TMEM135: variants seen among roughly 807,000 people sequenced by gnomAD.
TMEM135 encodes transmembrane protein 135.
A neutral mutation model predicts 60.3 loss-of-function variants in TMEM135; 30 were observed. That is an observed-to-expected ratio of 0.50 (90% CI 0.37 to 0.68). The LOEUF is 0.68. Among genes scored for constraint, TMEM135 ranks in the 30% least tolerant of loss-of-function variants. The probability of loss-of-function intolerance (pLI) is 0.00; values close to 1 mark genes in which losing one functional copy is unlikely to be tolerated. For missense variants in TMEM135, 468 were observed against 548.8 expected, an observed-to-expected ratio of 0.85 and a Z score of 1.47; for synonymous variants, 190 against 186.7, an observed-to-expected ratio of 1.02 and a Z score of -0.14.
Position 87,111,047 on chromosome 11 carries a change from C to A in TMEM135, c.396+19652C>A, listed in dbSNP as rs184012699. ...TCTGCATTCTTTCGCTAACTGTAGA[C>A]AAAATAAGTCATTGTTGAAGTCTTA... is the stretch of plus-strand genomic sequence containing the variant. On this transcript the variant is annotated intron_variant, in intron 4 of 14. Coordinates refer to ENST00000305494, the MANE Select transcript of TMEM135 (RefSeq NM_022918.4). Among the ~76,000 whole-genome samples, 271 of 152,168 alleles carry A rather than the reference C, an allele frequency of 1.8e-3. 3 individuals carry two copies. The highest frequency in any genetic ancestry group is 6.1e-3 in the African/African-American group (254 of 41,526).
intron 2 of TMEM135, among the ~76,000 whole-genome samples, chr11:87,070,109 G>A (rs901270234): frequency 1.3e-5 from 2 of 152,038 alleles, no homozygotes; most frequent in Non-Finnish European, 2.9e-5. Context: ...GGAATTTCGG[G>A]CTACAGTGAA....
intron 6 of TMEM135, among the ~76,000 whole-genome samples, chr11:87,279,949 G>A (rs1322000974): frequency 6.6e-6 from 1 of 152,188 alleles, no homozygotes; most frequent in Non-Finnish European, 1.5e-5. Context: ...TCAAGATTTT[G>A]TGATTAGTTT....
intron 3 of TMEM135, among the ~76,000 whole-genome samples, chr11:87,083,703 T>G (rs1284832498): frequency 6.6e-6 from 1 of 152,204 alleles, no homozygotes; most frequent in Non-Finnish European, 1.5e-5. Context: ...TAAAGTTTAC[T>G]CTTTATGTAC....
At chr11:87,192,958 T>C (rs1242460362) in intron 5 of TMEM135, among the ~76,000 whole-genome samples, 2 of 152,074 alleles carry the variant, frequency 1.3e-5, no homozygotes, top group South Asian at 2.1e-4. Flanking sequence ...CTACTAAAAA[T>C]ATAAAAAATA....
intron 8 of TMEM135, among the ~76,000 whole-genome samples, chr11:87,304,042 C>A (rs1435826339): frequency 1.3e-5 from 2 of 152,112 alleles, no homozygotes; most frequent in African/African-American, 4.8e-5. Context: ...GACTAATTGA[C>A]AGTACGGTTG....
chr11:87,328,427 G>C lies in TMEM135; in HGVS notation c.*7094G>C, dbSNP rs745598071. ...TGGTTGCATGGATGAATTGTATATT[G>C]GTGAAGTCTGAAATTTTAGTGCACC... On this transcript the variant is annotated 3_prime_UTR_variant, in exon 15 of 15. Transcript: ENST00000305494. 4.4e-6 allele frequency: 2 copies of C among 454,026 alleles called. No homozygotes were observed. The highest frequency in any genetic ancestry group is 3.1e-5 in the South Asian group (2 of 64,466). 28.1% of individuals were successfully genotyped at this position (454,026 alleles called of 1,614,324 possible). A position where few individuals can be genotyped will look rare whatever the true frequency, so the allele number is the denominator to read the frequency against.
chr11:87,313,555 C>A (rs1340045123), intron 11 of TMEM135, 67 bp downstream of exon 11: 8 of 1,266,628 alleles, frequency 6.3e-6, no homozygotes, highest in Admixed American at 3.5e-5. Flanking sequence ...ATTGGAAATA[C>A]CATCCAATTC....
At chr11:87,106,411 A>G (rs552425303) in intron 4 of TMEM135, among the ~76,000 whole-genome samples, 2 of 152,260 alleles carry the variant, frequency 1.3e-5, no homozygotes, top group South Asian at 2.1e-4. Flanking sequence ...GCTAACTGAC[A>G]GTATTTCAAG....
intron 4 of TMEM135, among the ~76,000 whole-genome samples, chr11:87,104,854 C>T (rs1857553405): frequency 6.6e-6 from 1 of 152,174 alleles, no homozygotes; most frequent in Non-Finnish European, 1.5e-5. Flanking sequence ...TAAGATCATA[C>T]AGTCTACAAA....
At chr11:87,250,021 C>T (rs1941378684) in intron 6 of TMEM135, among the ~76,000 whole-genome samples, 1 of 151,924 alleles carries the variant, frequency 6.6e-6, no homozygotes, top group African/African-American at 2.4e-5. Flanking sequence ...CTTCATGGTT[C>T]AATTTTGGTA....
intron 6 of TMEM135, among the ~76,000 whole-genome samples, chr11:87,252,549 G>A (rs555144910): frequency 6.6e-6 from 1 of 152,048 alleles, no homozygotes; most frequent in Non-Finnish European, 1.5e-5. Context: ...GAGGCAGGTA[G>A]ATCACCTGAG....
chr11:87,110,739 T>C (rs905258310), intron 4 of TMEM135, among the ~76,000 whole-genome samples: 9 of 152,166 alleles, frequency 5.9e-5, no homozygotes, highest in African/African-American at 1.9e-4. Context: ...AACTCTATTT[T>C]TGACTGCTTT....
chr11:87,222,814 AAAG>A (rs753772128), intron 5 of TMEM135, among the ~76,000 whole-genome samples: 3 of 149,680 alleles, frequency 2.0e-5, no homozygotes, highest in East Asian at 1.9e-4. Context: ...AAAAAAAAAG[AAAG>A]AAAGAAAGAA....
At position 87,220,552 on chromosome 11, in the gene TMEM135, G is replaced by C. The variant is rs141604205; in HGVS notation, c.463-16086G>C. 4.7e-3 allele frequency among the ~76,000 whole-genome samples: 714 copies of C among 152,264 alleles called. 3 individuals carry two copies. Among genetic ancestry groups the C allele is most frequent in the Middle Eastern group, 6.8e-3 (2 of 294 alleles). ...CTTCCTGGCATGACAATATGGAGTTGTTCTACTCTGCTAAGATACTGCTTG... is the reference window on the plus strand; with the variant it reads ...CTTCCTGGCATGACAATATGGAGTTCTTCTACTCTGCTAAGATACTGCTTG... On this transcript the variant is annotated intron_variant, in intron 5 of 14. Coordinates refer to ENST00000305494, the MANE Select transcript of TMEM135 (RefSeq NM_022918.4).
At chr11:87,230,282 G>C (rs1381526972) in intron 5 of TMEM135, among the ~76,000 whole-genome samples, 4 of 152,122 alleles carry the variant, frequency 2.6e-5, no homozygotes, top group African/African-American at 9.6e-5. Context: ...GTTCATCCAT[G>C]TTTTAGTATG....
At chr11:87,077,556 A>G (rs1856900104) in intron 3 of TMEM135, among the ~76,000 whole-genome samples, 1 of 152,238 alleles carries the variant, frequency 6.6e-6, no homozygotes, top group East Asian at 1.9e-4. Flanking sequence ...CTTTTTGGGA[A>G]CAATTGCAAA....
intron 3 of TMEM135, among the ~76,000 whole-genome samples, chr11:87,079,233 C>T (rs1384662011): frequency 6.6e-6 from 1 of 151,858 alleles, no homozygotes; most frequent in Non-Finnish European, 1.5e-5. Flanking sequence ...CTTGAACTCC[C>T]GACCTCAGGT....
chr11:87,284,920 C>T (rs1942135955), intron 6 of TMEM135, among the ~76,000 whole-genome samples: 1 of 152,110 alleles, frequency 6.6e-6, no homozygotes, highest in African/African-American at 2.4e-5. Flanking sequence ...TTTTATTATT[C>T]AAACAAAATT....
chr11:87,072,630 C>G (rs1199548436), intron 3 of TMEM135, among the ~76,000 whole-genome samples: 1 of 152,136 alleles, frequency 6.6e-6, no homozygotes, highest in Non-Finnish European at 1.5e-5. Context: ...ATCCGCCCGC[C>G]TTGGCCTCCC....
Sources: allele counts gnomAD v4.1 joint callset (sites outside exome capture counted in the v4.1 genomes callset), GRCh38; gene constraint gnomAD v4.1.1; transcripts MANE v1.5; gene names NCBI Gene and HGNC (gene_info 2026-07-23, HGNC 2026-07-21).